Variants in RNASET2 observed in about 807,000 individuals in gnomAD.
The protein encoded by RNASET2 is ribonuclease T2.
RNASET2 carries 28 observed loss-of-function variants against 33.9 expected under a neutral mutation model. The observed-to-expected ratio is 0.83, with a 90% CI of 0.61 to 1.13. RNASET2 has a LOEUF of 1.13. Ranked by LOEUF, RNASET2 falls within the 50% of genes most tolerant of loss-of-function variation. RNASET2 has a pLI of 0.00. For missense variants in RNASET2, 330 were observed against 319.9 expected (o/e 1.03, Z -0.24); for synonymous variants, 123 against 121.0 (o/e 1.02, Z -0.11).
At chr6:166,935,445 CAA>C (rs544621672) in intron 6 of RNASET2, among the ~76,000 whole-genome samples, 504 of 152,126 alleles carry the variant, frequency 3.3e-3, no homozygotes, top group Non-Finnish European at 5.3e-3. Context: ...GGGAATACGG[CAA>C]AGAGAGAAAG....
rs748647068 is a variant in RNASET2, at chr6:166,927,466, G to A, written c.*2122C>T. The stretch of plus-strand genomic sequence containing the variant: ...CCCACCAGGATGCTACCTTGTTGGC[G>A]TCCCCATCCGCTCTCAAATGCTCAC... On this transcript the variant is annotated 3_prime_UTR_variant, in exon 9 of 9. Coordinates refer to ENST00000508775, the MANE Select transcript of RNASET2 (RefSeq NM_003730.6). Among the ~76,000 whole-genome samples the A allele has an allele frequency of 2.6e-5, 4 of 152,018 alleles. No homozygotes were observed. The highest frequency in any genetic ancestry group is 1.9e-4 in the East Asian group (1 of 5,176).
At chr6:166,955,249 G>GCA (rs1313019233) in intron 1 of RNASET2, among the ~76,000 whole-genome samples, 3 of 92,912 alleles carry the variant, frequency 3.2e-5, no homozygotes, top group Admixed American at 1.1e-4. Context: ...GCACACACAC[G>GCA]CACACACGCA....
In RNASET2 at chr6:166,955,271, GCGCACACACGACACACACGCACAGA is replaced by G. The variant is rs1562506968; in HGVS notation, c.86+801_86+825del. Among the ~76,000 whole-genome samples, 640 of 88,002 alleles carry G rather than the reference GCGCACACACGACACACACGCACAGA, an allele frequency of 7.3e-3. 43 individuals carry two copies. Among genetic ancestry groups the G allele is most frequent in the African/African-American group, 0.026 (507 of 19,820 alleles). The allele number at this position is 88,002 out of a possible 152,430, so 57.7% of individuals were successfully genotyped here. A position where few individuals can be genotyped will look rare whatever the true frequency, so the allele number is the denominator to read the frequency against. ...CACGCACACACGCACACACACACAC[GCGCACACACGACACACACGCACAGA>G]CGCGCACACACGACACACACGCACA... On this transcript the variant is annotated intron_variant, in intron 1 of 8. Transcript: ENST00000508775.
chr6:166,955,411 G>A (rs1054082384), intron 1 of RNASET2: 229 of 516,304 alleles, frequency 4.4e-4, no homozygotes, highest in Middle Eastern at 9.8e-4. Flanking sequence ...ACACACACGC[G>A]CACACACACA....
At chr6:166,930,230 A>G (rs1778386478) in intron 8 of RNASET2, among the ~76,000 whole-genome samples, 1 of 152,268 alleles carries the variant, frequency 6.6e-6, no homozygotes, top group Non-Finnish European at 1.5e-5. Flanking sequence ...TGTTAAAGAT[A>G]AGCAAGAAGA....
At chr6:166,934,455 C>CT (rs1778520352) in intron 6 of RNASET2, 2 of 325,778 alleles carry the variant, frequency 6.1e-6, no homozygotes, top group Non-Finnish European at 1.2e-5. Flanking sequence ...GCCACACCTG[C>CT]TTTAAAAGAC....
In RNASET2 at chr6:166,933,913, C is replaced by T. The variant is rs1184087079; in HGVS notation, c.492+178G>A. ...TCACTGGTCTAAGCAGCCTTCAGCTCCTACTCAACATGCGCAGGAAAATAA... is the reference window on the plus strand; with the variant it reads ...TCACTGGTCTAAGCAGCCTTCAGCTTCTACTCAACATGCGCAGGAAAATAA... On this transcript the variant is annotated intron_variant, in intron 7 of 8. Coordinates refer to ENST00000508775, the MANE Select transcript of RNASET2 (RefSeq NM_003730.6). This position sits in a 1 kb window ranked among gnomAD's most constrained non-coding sequence, Gnocchi z 4.1. 1.5e-6 allele frequency: 1 copy of T among 656,492 alleles called. No individual in the cohort carries two copies. The highest frequency in any genetic ancestry group is 2.8e-6 in the Non-Finnish European group (1 of 362,462). The allele number at this position is 656,492 out of a possible 1,614,324, so 40.7% of individuals were successfully genotyped here. A position where few individuals can be genotyped will look rare whatever the true frequency, so the allele number is the denominator to read the frequency against.
At chr6:166,954,158 G>C (rs970305176) in intron 1 of RNASET2, among the ~76,000 whole-genome samples, 1 of 151,942 alleles carries the variant, frequency 6.6e-6, no homozygotes, top group African/African-American at 2.4e-5. Flanking sequence ...GAAAGTAATG[G>C]AGAAGCTAAA....
intron 1 of RNASET2, among the ~76,000 whole-genome samples, chr6:166,955,231 GCACGCA>G (rs1250301501): frequency 1.7e-5 from 1 of 58,164 alleles, no homozygotes; most frequent in African/African-American, 7.4e-5. Flanking sequence ...GCGCACACAC[GCACGCA>G]CGCACACACA....
intron 1 of RNASET2, among the ~76,000 whole-genome samples, chr6:166,955,281 G>GCAC (rs1205834205): frequency 1.4e-5 from 1 of 70,774 alleles, no homozygotes; most frequent in Admixed American, 1.5e-4. Flanking sequence ...GCGCACACAC[G>GCAC]ACACACACGC....
chr6:166,934,342 A>C, intron 6 of RNASET2: 1 of 579,118 alleles, frequency 1.7e-6, no homozygotes, highest in Non-Finnish European at 3.1e-6. Flanking sequence ...CACACACACA[A>C]ACTGCTCCAG....
intron 1 of RNASET2, chr6:166,953,519 T>C (rs944035913): frequency 1.3e-5 from 2 of 152,212 alleles, no homozygotes; most frequent in African/African-American, 4.8e-5. Context: ...GTTGAATTTG[T>C]ATAGAATTTA....
chr6:166,950,169 A>C (rs1365799506), intron 2 of RNASET2, among the ~76,000 whole-genome samples: 1 of 152,218 alleles, frequency 6.6e-6, no homozygotes, highest in Non-Finnish European at 1.5e-5. Context: ...CAGATCCTTC[A>C]GTGTGGGTCA....
At chr6:166,944,229 C>T (rs923935242) in intron 4 of RNASET2, among the ~76,000 whole-genome samples, 1 of 152,110 alleles carries the variant, frequency 6.6e-6, no homozygotes, top group South Asian at 2.1e-4. Flanking sequence ...GCACCAGTCG[C>T]GCTAAATCCA....
Position 166,928,730 on chromosome 6 carries a change from T to C in RNASET2, c.*858A>G, listed in dbSNP as rs1312608309. ...TGCCTCACTCCACGAGTGAAATCCC[T>C]GCACGGCAGGCCGAGAGCGTGGGTG... On this transcript the variant is annotated 3_prime_UTR_variant, in exon 9 of 9. Transcript: ENST00000508775. 1.3e-5 allele frequency among the ~76,000 whole-genome samples: 2 copies of C among 152,214 alleles called. No homozygotes were observed. The highest frequency in any genetic ancestry group is 2.9e-5 in the Non-Finnish European group (2 of 68,034).
intron 4 of RNASET2, among the ~76,000 whole-genome samples, chr6:166,946,156 G>A (rs752481588): frequency 5.3e-5 from 8 of 152,296 alleles, no homozygotes; most frequent in South Asian, 4.1e-4. Flanking sequence ...ATAAATTCCC[G>A]CCCTGTGAGT....
intron 5 of RNASET2, among the ~76,000 whole-genome samples, chr6:166,941,332 T>A (rs1300053881): frequency 6.6e-6 from 1 of 152,228 alleles, no homozygotes; most frequent in Non-Finnish European, 1.5e-5. Context: ...TGATTTATTT[T>A]AAGCCATTTA....
Position 166,933,146 on chromosome 6 carries a change from T to C in RNASET2, c.492+945A>G, listed in dbSNP as rs1778486866. ...TTCTAAATCCACAACCTGTGATAAA[T>C]ACGAAAACTATCTCAAAGAATCTGA... On this transcript the variant is annotated intron_variant, in intron 7 of 8. Coordinates refer to ENST00000508775, the MANE Select transcript of RNASET2 (RefSeq NM_003730.6). This position sits in a 1 kb window ranked among gnomAD's most constrained non-coding sequence, Gnocchi z 4.1. 6.6e-6 allele frequency: 1 copy of C among 152,174 alleles called. No homozygotes were observed. Among genetic ancestry groups the C allele is most frequent in the Non-Finnish European group, 1.5e-5 (1 of 68,030 alleles). The allele number at this position is 152,174 out of a possible 1,614,324, so 9.4% of individuals were successfully genotyped here.
chr6:166,952,688 A>T (rs1363879437), intron 1 of RNASET2, 140 bp from the exon 2 acceptor site: 4 of 719,872 alleles, frequency 5.6e-6, no homozygotes. Context: ...CTGCTGCTGC[A>T]CACACTCCCG....
Sources: gnomAD v4.1 joint callset for allele counts (sites outside exome capture counted in the v4.1 genomes callset) on GRCh38, gnomAD v4.1.1 for gene constraint, Gnocchi (gnomAD v3.1) non-coding constraint, MANE v1.5 for transcripts, NCBI Gene and HGNC (gene_info 2026-07-23, HGNC 2026-07-21) for gene names.